Variants in ATF6 observed in about 807,000 individuals in gnomAD.
ATF6 encodes the protein activating transcription factor 6.
ATF6 carries 53 observed loss-of-function variants against 83.6 expected under a neutral mutation model. The observed-to-expected ratio is 0.63, with a 90% CI of 0.51 to 0.80. ATF6 has a LOEUF of 0.80. Among genes scored for constraint, ATF6 ranks in the 30% least tolerant of loss-of-function variants. ATF6 has a pLI of 0.00. For missense variants in ATF6, 744 were observed against 797.9 expected (o/e 0.93, Z 0.81); for synonymous variants, 288 against 285.8 (o/e 1.01, Z -0.08).
intron 15 of ATF6, among the ~76,000 whole-genome samples, chr1:161,944,482 C>T (rs2101912766): frequency 6.6e-6 from 1 of 152,286 alleles, no homozygotes; most frequent in South Asian, 2.1e-4. Context: ...TTGTTCAGTT[C>T]TATGCATACA....
intron 9 of ATF6, among the ~76,000 whole-genome samples, chr1:161,842,987 T>C (rs183663728): frequency 6.8e-4 from 104 of 152,364 alleles, no homozygotes; most frequent in East Asian, 3.9e-4. Context: ...ATTTTTATTT[T>C]ACAATGATTT....
chr1:161,808,271 C>G (rs539426240), intron 7 of ATF6, among the ~76,000 whole-genome samples: 6 of 152,266 alleles, frequency 3.9e-5, no homozygotes, highest in African/African-American at 1.4e-4. Flanking sequence ...TCTCCTTTCT[C>G]TAATTTCCCT....
intron 6 of ATF6, among the ~76,000 whole-genome samples, chr1:161,798,340 G>A (rs756821025): frequency 5.3e-5 from 8 of 152,180 alleles, no homozygotes; most frequent in East Asian, 1.9e-4. Flanking sequence ...GAGGCTGGGC[G>A]TGGTGGTTCA....
At chr1:161,916,275 T>C (rs1688099740) in intron 15 of ATF6, among the ~76,000 whole-genome samples, 1 of 152,198 alleles carries the variant, frequency 6.6e-6, no homozygotes, top group African/African-American at 2.4e-5. Context: ...ATTCTTATTT[T>C]TAAAAATTTC....
chr1:161,949,724 C>T (rs1688824314), intron 15 of ATF6, among the ~76,000 whole-genome samples: 1 of 152,158 alleles, frequency 6.6e-6, no homozygotes, highest in Non-Finnish European at 1.5e-5. Context: ...CTCTTTTTAA[C>T]AACCAGCTCC....
intron 2 of ATF6, among the ~76,000 whole-genome samples, chr1:161,780,359 G>A (rs1431629195): frequency 6.6e-6 from 1 of 151,778 alleles, no homozygotes; most frequent in East Asian, 1.9e-4. Context: ...TGCCTGAGGT[G>A]TATTTTTTTA....
intron 15 of ATF6, among the ~76,000 whole-genome samples, chr1:161,947,560 T>G (rs1393702683): frequency 6.6e-6 from 1 of 152,178 alleles, no homozygotes; most frequent in African/African-American, 2.4e-5. Context: ...TTTTTATGGC[T>G]CAGAATAATA....
At chr1:161,918,820 T>G (rs1571236628) in intron 15 of ATF6, among the ~76,000 whole-genome samples, 1 of 152,190 alleles carries the variant, frequency 6.6e-6, no homozygotes, top group African/African-American at 2.4e-5. Context: ...GGATAGAAAG[T>G]GAAGACAGAA....
rs1444086445 is a variant in ATF6, at chr1:161,962,945, T to G, written c.*4291T>G. ...TGTTGCTGCTAATATGAATACCAAT[T>G]ATAACTTTTAGAAACAAGAATAAAG... On this transcript the variant is annotated 3_prime_UTR_variant, in exon 16 of 16. Coordinates refer to ENST00000367942, the MANE Select transcript of ATF6 (RefSeq NM_007348.4). 1 of 152,202 alleles carries G rather than the reference T, an allele frequency of 6.6e-6. No individual in the cohort carries two copies. Among genetic ancestry groups the G allele is most frequent in the East Asian group, 1.9e-4 (1 of 5,198 alleles). The allele number at this position is 152,202 out of a possible 1,614,324, so 9.4% of individuals were successfully genotyped here. A position where few individuals can be genotyped will look rare whatever the true frequency, so the allele number is the denominator to read the frequency against.
rs1386210791 is a variant in ATF6, at chr1:161,792,316, C to A, written c.677C>A (p.Ala226Glu). ...CAACCAATTATCAGTTTACAACCTGCACCCACTAAAGGTACCTGAGCAGAA... is the reference window on the plus strand; with the variant it reads ...CAACCAATTATCAGTTTACAACCTGAACCCACTAAAGGTACCTGAGCAGAA... ...KQQPIISLQPAPTKGQTVLLS... is the reference protein window; with the variant it reads ...KQQPIISLQPEPTKGQTVLLS... The change falls in exon 6 of 16, where the codon GCA becomes GAA. Residue 226 changes from alanine to glutamate, a missense_variant. Physicochemically the swap from Ala to Glu is moderately radical, Grantham distance 107. Coordinates refer to ENST00000367942, the MANE Select transcript of ATF6 (RefSeq NM_007348.4). 1 of 1,613,554 alleles carries A rather than the reference C, an allele frequency of 6.2e-7. No homozygotes were observed. Among genetic ancestry groups the A allele is most frequent in the African/African-American group, 1.3e-5 (1 of 74,930 alleles).
At chr1:161,851,440 GAA>G (rs1432720135) in intron 10 of ATF6, among the ~76,000 whole-genome samples, 4 of 152,160 alleles carry the variant, frequency 2.6e-5, no homozygotes, top group Non-Finnish European at 5.9e-5. Context: ...TAAGCTCATT[GAA>G]GATATGATGA....
chr1:161,850,194 A>T (rs544037439), intron 10 of ATF6, among the ~76,000 whole-genome samples: 1 of 152,094 alleles, frequency 6.6e-6, no homozygotes, highest in Non-Finnish European at 1.5e-5. Context: ...CACTTTTATG[A>T]CTTCTTATTA....
At chr1:161,913,681 A>G (rs1221245020) in intron 15 of ATF6, among the ~76,000 whole-genome samples, 1 of 152,168 alleles carries the variant, frequency 6.6e-6, no homozygotes, top group Non-Finnish European at 1.5e-5. Flanking sequence ...ATCATTTACT[A>G]CCTGAAGAAG....
chr1:161,895,722 A>G (rs984841440), intron 14 of ATF6, among the ~76,000 whole-genome samples: 5 of 152,316 alleles, frequency 3.3e-5, no homozygotes, highest in Admixed American at 1.3e-4. Flanking sequence ...CTTTAGCAAC[A>G]TATCTGATCA....
chr1:161,866,763 GTTTT>G (rs941011826), intron 14 of ATF6, among the ~76,000 whole-genome samples: 18 of 151,694 alleles, frequency 1.2e-4, no homozygotes, highest in African/African-American at 4.3e-4. Flanking sequence ...TTGTTTGTTT[GTTTT>G]AAGAGACAAG....
intron 10 of ATF6, among the ~76,000 whole-genome samples, chr1:161,850,852 C>A (rs1686601452): frequency 6.6e-6 from 1 of 152,160 alleles, no homozygotes; most frequent in Non-Finnish European, 1.5e-5. Flanking sequence ...ATTAAGATTG[C>A]AGACTGAAGA....
intron 13 of ATF6, among the ~76,000 whole-genome samples, chr1:161,861,196 T>C (rs536237293): frequency 1.3e-5 from 2 of 152,336 alleles, no homozygotes; most frequent in South Asian, 2.1e-4. Flanking sequence ...GGATCTCAGC[T>C]TCTATCTGTA....
chr1:161,892,545 T>C (rs1418274455), intron 14 of ATF6, among the ~76,000 whole-genome samples: 1 of 152,210 alleles, frequency 6.6e-6, no homozygotes, highest in Non-Finnish European at 1.5e-5. Flanking sequence ...CCCCAGTTGA[T>C]TTTCATTGCC....
intron 14 of ATF6, among the ~76,000 whole-genome samples, chr1:161,908,453 T>C (rs530822883): frequency 6.6e-6 from 1 of 152,334 alleles, no homozygotes; most frequent in South Asian, 2.1e-4. Flanking sequence ...GCATATTTTC[T>C]CATGCACAAT....
Sources: allele counts gnomAD v4.1 joint callset (sites outside exome capture counted in the v4.1 genomes callset), GRCh38; gene constraint gnomAD v4.1.1; transcripts MANE v1.5; gene names NCBI Gene and HGNC (gene_info 2026-07-23, HGNC 2026-07-21).